PLD1: variants seen among roughly 807,000 people sequenced by gnomAD.
The protein encoded by PLD1 is choline phosphatase 1.
In PLD1, 112 loss-of-function variants were observed where a neutral mutation model predicts 137.1. The ratio of observed to expected loss-of-function variants is 0.82; its 90% confidence interval spans 0.70 to 0.96. The LOEUF is 0.96. Ranked by LOEUF, PLD1 falls within the 40% of genes least tolerant of loss-of-function variation. The pLI is 0.00. For synonymous variants in PLD1, 431 were observed against 454.7 expected (o/e 0.95, Z 0.66); for missense variants, 1,321 against 1,342.0 (o/e 0.98, Z 0.24).
intron 1 of PLD1, among the ~76,000 whole-genome samples, chr3:171,799,076 C>A (rs1345696221): frequency 6.6e-6 from 1 of 152,194 alleles, no homozygotes; most frequent in Non-Finnish European, 1.5e-5. Context: ...CGCGGTGGCT[C>A]ATGCCTGTAA....
rs138468678 is a variant in PLD1 at position 171,618,848 on chromosome 3, A to AGT, written c.2728+1536_2728+1537dup. Among the ~76,000 whole-genome samples the AGT allele has an allele frequency of 6.7e-3, 863 of 128,672 alleles. 4 individuals are homozygous for AGT. Among genetic ancestry groups the AGT allele is most frequent in the Non-Finnish European group, 8.2e-3 (501 of 61,384 alleles). The allele number at this position is 128,672 out of a possible 152,430, so 84.4% of individuals were successfully genotyped here. On this transcript the variant is annotated intron_variant, in intron 24 of 26. Transcript: ENST00000351298. ...TTTAATGTGCTATACAAATATTAAAAGTGTGTGTGCGTGTGTGTGTGTGTG... is the reference window on the plus strand; with the variant it reads ...TTTAATGTGCTATACAAATATTAAAAGTGTGTGTGTGCGTGTGTGTGTGTGTG...
chr3:171,788,701 A>C (rs761463313), intron 1 of PLD1: 9 of 152,242 alleles, frequency 5.9e-5, no homozygotes, highest in Non-Finnish European at 1.2e-4. Context: ...TTCCTGGACA[A>C]AAGAGCTTTG....
At chr3:171,796,034 T>G (rs1723420380) in intron 1 of PLD1, among the ~76,000 whole-genome samples, 1 of 152,234 alleles carries the variant, frequency 6.6e-6, no homozygotes, top group South Asian at 2.1e-4. Context: ...CTATTGCTCT[T>G]TATTGTCTGA....
chr3:171,644,921 G>A lies in PLD1; in HGVS notation c.2532C>T (p.His844=). 2 of 1,607,528 alleles carry A rather than the reference G, an allele frequency of 1.2e-6. No homozygotes were observed. Among genetic ancestry groups the A allele is most frequent in the Admixed American group, 1.7e-5 (1 of 60,018 alleles). Reference sequence around the variant, plus strand: ...TAGAGTTTTGGCACCTGTAGTTGAAGTGCATGATTGCCTGTAGAGCATTTC... The same window carrying A: ...TAGAGTTTTGGCACCTGTAGTTGAAATGCATGATTGCCTGTAGAGCATTTC... The part of the protein sequence containing the change: ...GGGNALQAIM[H]FNYRTMCRGE... Residue 844 remains histidine (H), a synonymous_variant, in exon 22 of 27, where the codon CAC becomes CAT. Coordinates refer to ENST00000351298, the MANE Select transcript of PLD1 (RefSeq NM_002662.5).
chr3:171,808,969 C>G (rs1043164560), intron 1 of PLD1, among the ~76,000 whole-genome samples: 1 of 151,946 alleles, frequency 6.6e-6, no homozygotes, highest in Non-Finnish European at 1.5e-5. Flanking sequence ...GGATTACAGG[C>G]GTGTGCCACC....
At chr3:171,792,238 C>T in intron 1 of PLD1, 1 of 233,090 alleles carries the variant, frequency 4.3e-6, no homozygotes, top group South Asian at 5.5e-5. Context: ...TCATGCTTTT[C>T]TACCTTGCAT....
intron 1 of PLD1, among the ~76,000 whole-genome samples, chr3:171,759,526 G>A (rs73176174): frequency 0.022 from 3,397 of 152,198 alleles, 83 homozygotes; most frequent in Non-Finnish European, 0.029. Context: ...GATGGTTAGC[G>A]GGTAAGTAGG....
At chr3:171,731,756 A>T (rs968399288) in intron 6 of PLD1, among the ~76,000 whole-genome samples, 2 of 152,216 alleles carry the variant, frequency 1.3e-5, no homozygotes, top group African/African-American at 4.8e-5. Context: ...TGGGAAACAG[A>T]GCAAGACTCC....
At chr3:171,735,781 T>G in intron 3 of PLD1, 144 bp from the exon 4 acceptor site, 1 of 599,050 alleles carries the variant, frequency 1.7e-6, no homozygotes, top group Non-Finnish European at 3.0e-6. Context: ...GTAAATTTGT[T>G]TCAAAAGCAG....
At chr3:171,680,351 C>T (rs1291041666) in intron 16 of PLD1, among the ~76,000 whole-genome samples, 1 of 148,864 alleles carries the variant, frequency 6.7e-6, no homozygotes, top group African/African-American at 2.5e-5. Flanking sequence ...TCTCCTGCCT[C>T]AGCCTCCCGA....
intron 11 of PLD1, among the ~76,000 whole-genome samples, chr3:171,705,039 T>G (rs960833731): frequency 6.6e-6 from 1 of 152,182 alleles, no homozygotes; most frequent in Non-Finnish European, 1.5e-5. Flanking sequence ...TCATGCTCGC[T>G]ACCTCCCCCG....
intron 1 of PLD1, among the ~76,000 whole-genome samples, chr3:171,752,625 A>G (rs1451959696): frequency 6.6e-6 from 1 of 152,212 alleles, no homozygotes; most frequent in Non-Finnish European, 1.5e-5. Flanking sequence ...AGGCTTTAAT[A>G]TCTTGCCATC....
intron 1 of PLD1, among the ~76,000 whole-genome samples, chr3:171,810,174 G>A (rs952088607): frequency 8.3e-4 from 126 of 152,370 alleles, no homozygotes; most frequent in Admixed American, 2.4e-3. Flanking sequence ...GTGCGTGCCA[G>A]AGTTGTCAGC....
At position 171,600,872 on chromosome 3, in the gene PLD1, A is replaced by G. The variant is rs1204650480; in HGVS notation, c.*2206T>C. 1 of 152,214 alleles carries G rather than the reference A, an allele frequency of 6.6e-6. No homozygotes were observed. The highest frequency in any genetic ancestry group is 6.5e-5 in the Admixed American group (1 of 15,286). The allele number at this position is 152,214 out of a possible 1,614,324, so 9.4% of individuals were successfully genotyped here. Reference sequence around the variant, plus strand: ...CCTTCACCTTGTTTATTAATTCTACAAGCATTTATTGCCATCTCCTATGTG... The same window carrying G: ...CCTTCACCTTGTTTATTAATTCTACGAGCATTTATTGCCATCTCCTATGTG... On this transcript the variant is annotated 3_prime_UTR_variant, in exon 27 of 27. Transcript: ENST00000351298.
intron 12 of PLD1, among the ~76,000 whole-genome samples, chr3:171,695,187 C>A (rs1223799752): frequency 1.3e-5 from 2 of 151,844 alleles, no homozygotes; most frequent in Non-Finnish European, 1.5e-5. Flanking sequence ...TAGGCTTATA[C>A]AAAATGTGGG....
chr3:171,694,585 A>T (rs1462989259), intron 12 of PLD1, among the ~76,000 whole-genome samples: 1 of 151,936 alleles, frequency 6.6e-6, no homozygotes, highest in Non-Finnish European at 1.5e-5. Context: ...TCACTAAAAG[A>T]TATAATACAA....
At chr3:171,621,726 T>G (rs1328933241) in intron 23 of PLD1, among the ~76,000 whole-genome samples, 1 of 152,190 alleles carries the variant, frequency 6.6e-6, no homozygotes, top group Non-Finnish European at 1.5e-5. Context: ...CTAAAACGTT[T>G]CATGTAAATG....
At chr3:171,604,171 G>A (rs1187778903) in intron 26 of PLD1, among the ~76,000 whole-genome samples, 1 of 151,956 alleles carries the variant, frequency 6.6e-6, no homozygotes, top group East Asian at 1.9e-4. Context: ...AAAATTAGCT[G>A]GGTGTGCTGG....
chr3:171,752,002 CAA>C lies in PLD1; in HGVS notation c.-31-13922_-31-13921del, dbSNP rs201612180. On this transcript the variant is annotated intron_variant, in intron 1 of 26. Coordinates refer to ENST00000351298, the MANE Select transcript of PLD1 (RefSeq NM_002662.5). The stretch of plus-strand genomic sequence containing the variant: ...TGGGCGACAGAGCGAGACTCCGTCT[CAA>C]AAAAAAAAAAAAAGAAAGAAAGAAA... 1.9e-3 allele frequency among the ~76,000 whole-genome samples: 151 copies of C among 78,198 alleles called. No individual in the cohort carries two copies. The Middle Eastern group carries it at 0.047, about 24-fold the overall frequency. The allele number at this position is 78,198 out of a possible 152,430, so 51.3% of individuals were successfully genotyped here.
Sources: allele counts gnomAD v4.1 joint callset (sites outside exome capture counted in the v4.1 genomes callset), GRCh38; gene constraint gnomAD v4.1.1; transcripts MANE v1.5; gene names NCBI Gene and HGNC (gene_info 2026-07-23, HGNC 2026-07-21).